The following LIN9 variants were observed in gnomAD, a reference collection of about 807,000 sequenced individuals.
The protein encoded by LIN9 is protein lin-9 homolog.
In LIN9, 18 loss-of-function variants were observed where a neutral mutation model predicts 78.0. That is an observed-to-expected ratio of 0.23 (90% CI 0.16 to 0.34). The LOEUF is 0.34. Among genes scored for constraint, LIN9 ranks in the 10% least tolerant of loss-of-function variants. LIN9 has a pLI of 1.00. For missense variants in LIN9, 451 were observed against 644.1 expected (o/e 0.70, Z 3.25); for synonymous variants, 192 against 215.2 (o/e 0.89, Z 0.94).
chr1:226,246,665 C>T (rs974851459), intron 11 of LIN9, among the ~76,000 whole-genome samples: 4 of 150,122 alleles, frequency 2.7e-5, no homozygotes, highest in African/African-American at 7.3e-5. Context: ...TGGTGGCAGG[C>T]GCCTGTAGTC....
intron 1 of LIN9, 123 bp downstream of exon 1, chr1:226,308,986 C>T: frequency 1.0e-6 from 1 of 979,090 alleles, no homozygotes; most frequent in Non-Finnish European, 1.3e-6. Context: ...ACTAGGGGAC[C>T]ACAGTGGGGC....
At chr1:226,287,578 C>A in intron 5 of LIN9, 86 bp downstream of exon 5, 1 of 837,380 alleles carries the variant, frequency 1.2e-6, no homozygotes, top group African/African-American at 1.8e-5. Context: ...CAAAGTAGAC[C>A]TATAGAAAAT....
intron 6 of LIN9, among the ~76,000 whole-genome samples, chr1:226,281,682 A>AT (rs926949902): frequency 1.1e-4 from 16 of 149,674 alleles, no homozygotes; most frequent in African/African-American, 2.2e-4. Flanking sequence ...ATAGTTGACA[A>AT]TTTTTTTTTC....
intron 6 of LIN9, among the ~76,000 whole-genome samples, chr1:226,281,351 A>G (rs1661038407): frequency 2.6e-5 from 4 of 152,180 alleles, no homozygotes; most frequent in Non-Finnish European, 5.9e-5. Context: ...TAAGGGGTAC[A>G]AAAATATAGT....
intron 6 of LIN9, among the ~76,000 whole-genome samples, chr1:226,280,481 T>C (rs1447955670): frequency 6.6e-6 from 1 of 152,048 alleles, no homozygotes; most frequent in Non-Finnish European, 1.5e-5. Flanking sequence ...AGTAGTACTA[T>C]AAAAACAGAC....
intron 1 of LIN9, among the ~76,000 whole-genome samples, chr1:226,305,485 C>T (rs758662829): frequency 2.0e-5 from 3 of 151,838 alleles, no homozygotes; most frequent in Non-Finnish European, 4.4e-5. Context: ...AGAGGGAGAC[C>T]CTGTCTCTTT....
At position 226,238,168 on chromosome 1, in the gene LIN9, G is replaced by A. The variant is rs1576273413; in HGVS notation, c.1245+803C>T. Among the ~76,000 whole-genome samples, 7 of 152,108 alleles carry A rather than the reference G, an allele frequency of 4.6e-5. No homozygotes were observed. In the East Asian group the frequency reaches 1.2e-3, roughly 25 times the overall value. ...ATTCACAAACAACCCTGTTATCTATGTATTTGAAATTCAAGAATTCATAGT... is the reference window on the plus strand; with the variant it reads ...ATTCACAAACAACCCTGTTATCTATATATTTGAAATTCAAGAATTCATAGT... On this transcript the variant is annotated intron_variant, in intron 12 of 14. Transcript: ENST00000681046.
At chr1:226,234,542 G>A (rs192300463) in intron 12 of LIN9, among the ~76,000 whole-genome samples, 22 of 152,244 alleles carry the variant, frequency 1.4e-4, no homozygotes, top group African/African-American at 4.6e-4. Flanking sequence ...GTAATTTGGG[G>A]GCACATTTTA....
chr1:226,234,645 A>T (rs1657566767), intron 12 of LIN9, among the ~76,000 whole-genome samples: 1 of 152,058 alleles, frequency 6.6e-6, no homozygotes, highest in African/African-American at 2.4e-5. Context: ...TGCTTTTTTA[A>T]ATTGGAGAAC....
chr1:226,250,276 C>T (rs57707220), intron 11 of LIN9, among the ~76,000 whole-genome samples: 2 of 151,642 alleles, frequency 1.3e-5, no homozygotes, highest in East Asian at 3.8e-4. Context: ...GTCAAGATAA[C>T]CTAAAGATGA....
chr1:226,289,038 A>C (rs1243714757), intron 4 of LIN9, among the ~76,000 whole-genome samples: 2 of 152,140 alleles, frequency 1.3e-5, no homozygotes, highest in African/African-American at 4.8e-5. Flanking sequence ...GGAGCTCCAG[A>C]CAGCCAGGCC....
At chr1:226,276,684 T>C (rs1463007258) in intron 7 of LIN9, among the ~76,000 whole-genome samples, 1 of 152,212 alleles carries the variant, frequency 6.6e-6, no homozygotes, top group East Asian at 1.9e-4. Context: ...CCAACCATTT[T>C]TCAATGGTTG....
At chr1:226,254,910 C>CAA (rs78061206) in intron 10 of LIN9, among the ~76,000 whole-genome samples, 110 of 50,036 alleles carry the variant, frequency 2.2e-3, no homozygotes, top group Non-Finnish European at 2.7e-3. Flanking sequence ...GACTCTGTCT[C>CAA]AAAAAAAAAA....
At chr1:226,303,329 G>A (rs1387117796) in intron 1 of LIN9, among the ~76,000 whole-genome samples, 4 of 152,102 alleles carry the variant, frequency 2.6e-5, no homozygotes, top group Non-Finnish European at 5.9e-5. Context: ...TCTAGTGATG[G>A]GAGGCAAACA....
intron 7 of LIN9, among the ~76,000 whole-genome samples, chr1:226,272,381 CTT>C (rs570128823): frequency 1.8e-4 from 23 of 125,866 alleles, no homozygotes; most frequent in Admixed American, 2.4e-4. Context: ...ATTGAAGTGG[CTT>C]TTTTTTTTTT....
At chr1:226,277,663 T>C in intron 7 of LIN9, 112 bp downstream of exon 7, 1 of 964,226 alleles carries the variant, frequency 1.0e-6, no homozygotes, top group Non-Finnish European at 1.5e-6. Flanking sequence ...ATGTCTATTG[T>C]AAATATTTCT....
At chr1:226,294,153 C>G (rs1661970700) in intron 4 of LIN9, among the ~76,000 whole-genome samples, 1 of 150,378 alleles carries the variant, frequency 6.6e-6, no homozygotes, top group Non-Finnish European at 1.5e-5. Context: ...ACTGAAAATA[C>G]AAAAATTAGC....
intron 2 of LIN9, among the ~76,000 whole-genome samples, chr1:226,300,855 A>AAAAC (rs369181992): frequency 0.016 from 2,387 of 152,276 alleles, 61 homozygotes; most frequent in African/African-American, 0.053. Flanking sequence ...GACTGTCTCA[A>AAAAC]AAACAAACAA....
At chr1:226,300,593 C>T (rs1459578256) in intron 2 of LIN9, among the ~76,000 whole-genome samples, 6 of 152,122 alleles carry the variant, frequency 3.9e-5, no homozygotes, top group African/African-American at 7.2e-5. Context: ...CAGTGGCTCA[C>T]GCCTGTAATC....
Sources: gnomAD v4.1 joint callset for allele counts (sites outside exome capture counted in the v4.1 genomes callset) on GRCh38, gnomAD v4.1.1 for gene constraint, MANE v1.5 for transcripts, NCBI Gene and HGNC (gene_info 2026-07-23, HGNC 2026-07-21) for gene names.